COMMD10: variants seen among roughly 807,000 people sequenced by gnomAD.
COMMD10 encodes the protein COMM domain containing 10.
Under a neutral mutation model 28.9 loss-of-function variants are expected in COMMD10, and 33 were observed. The ratio of observed to expected loss-of-function variants is 1.14; its 90% confidence interval spans 0.87 to 1.53. COMMD10 has a LOEUF of 1.53. Among genes scored for constraint, COMMD10 ranks in the 40% most tolerant of loss-of-function variants. COMMD10 has a pLI of 0.00. For missense variants in COMMD10, 310 were observed against 233.4 expected (o/e 1.33, Z -2.14); for synonymous variants, 110 against 81.7 (o/e 1.35, Z -1.87).
chr5:116,129,705 ATTAGT>A (rs548637139), intron 4 of COMMD10, among the ~76,000 whole-genome samples: 2,880 of 37,494 alleles, frequency 0.077, 1,191 homozygotes, highest in East Asian at 0.17. Context: ...TGTAATATAC[ATTAGT>A]GTATATATAT....
chr5:116,219,371 A>G (rs1192504943), intron 5 of COMMD10, among the ~76,000 whole-genome samples: 3 of 151,942 alleles, frequency 2.0e-5, no homozygotes, highest in Admixed American at 6.6e-5. Flanking sequence ...AGAAACTGCT[A>G]CTCTGTGGAC....
intron 5 of COMMD10, among the ~76,000 whole-genome samples, chr5:116,211,407 T>C (rs1466695395): frequency 2.0e-5 from 3 of 152,038 alleles, no homozygotes. Context: ...TGTAAAACAG[T>C]GGTAAGTATT....
chr5:116,289,386 G>C (rs1751304918), intron 5 of COMMD10, among the ~76,000 whole-genome samples: 2 of 151,770 alleles, frequency 1.3e-5, no homozygotes, highest in African/African-American at 4.9e-5. Context: ...TTGCATACTG[G>C]CTTTGTGCAG....
chr5:116,229,229 G>C (rs558407451), intron 5 of COMMD10, among the ~76,000 whole-genome samples: 2 of 152,020 alleles, frequency 1.3e-5, no homozygotes, highest in East Asian at 3.9e-4. Context: ...TTTGTTTTGA[G>C]TCTGGGGCAG....
At chr5:116,123,276 G>C (rs1256585155) in intron 4 of COMMD10, among the ~76,000 whole-genome samples, 1 of 152,146 alleles carries the variant, frequency 6.6e-6, no homozygotes, top group East Asian at 1.9e-4. Flanking sequence ...ATTTTAGCAT[G>C]AAGGGCTGTT....
chr5:116,170,238 A>G (rs1002545480), intron 5 of COMMD10, among the ~76,000 whole-genome samples: 4 of 152,192 alleles, frequency 2.6e-5, no homozygotes, highest in Non-Finnish European at 2.9e-5. Context: ...CCCATTCACA[A>G]TTGCTACAGA....
chr5:116,242,626 C>T (rs1278951502), intron 5 of COMMD10, among the ~76,000 whole-genome samples: 1 of 152,098 alleles, frequency 6.6e-6, no homozygotes, highest in Non-Finnish European at 1.5e-5. Flanking sequence ...GTACTTTTGA[C>T]CCAGTGGGAA....
rs544309192 is a variant in COMMD10 at position 116,105,567 on chromosome 5, G to C, written c.399+12867G>C. On this transcript the variant is annotated intron_variant, in intron 4 of 6. Coordinates refer to ENST00000274458, the MANE Select transcript of COMMD10 (RefSeq NM_016144.4). ...TCTCTTTGTACCTCTGGTAGAATTT[G>C]GCTGTCATTCTGTCTAGTCTGGGAC... Among the ~76,000 whole-genome samples, 8 of 152,284 alleles carry C rather than the reference G, an allele frequency of 5.3e-5. No homozygotes were observed. The East Asian group carries it at 1.5e-3, about 29-fold the overall frequency.
intron 5 of COMMD10, among the ~76,000 whole-genome samples, chr5:116,163,661 T>C (rs544891030): frequency 1.3e-5 from 2 of 152,208 alleles, no homozygotes; most frequent in South Asian, 4.1e-4. Flanking sequence ...ATTTTGTGAA[T>C]AGTTTATAGT....
At chr5:116,181,016 C>A (rs1747937907) in intron 5 of COMMD10, among the ~76,000 whole-genome samples, 1 of 152,070 alleles carries the variant, frequency 6.6e-6, no homozygotes, top group Non-Finnish European at 1.5e-5. Context: ...TGATGACACA[C>A]ACCTGTAGTT....
chr5:116,278,185 G>T (rs1190386332), intron 5 of COMMD10, among the ~76,000 whole-genome samples: 2 of 151,758 alleles, frequency 1.3e-5, no homozygotes, highest in African/African-American at 2.4e-5. Flanking sequence ...ATTACCTATA[G>T]TATTGAGTAC....
In COMMD10 at chr5:116,196,335, AGGACTTGGG is replaced by A. The variant is rs750562398; in HGVS notation, c.510+62159_510+62167del. On this transcript the variant is annotated intron_variant, in intron 5 of 6. Coordinates refer to ENST00000274458, the MANE Select transcript of COMMD10 (RefSeq NM_016144.4). ...CATTAGAATGATACAGTGGACTTCG[AGGACTTGGG>A]GTGAAGAGAGGGAGGGGGTGAGGGA... Among the ~76,000 whole-genome samples the A allele has an allele frequency of 1.0e-3, 158 of 152,218 alleles. 1 individual carries two copies. The highest frequency in any genetic ancestry group is 1.8e-3 in the Non-Finnish European group (121 of 67,974).
At chr5:116,122,010 G>T (rs950090698) in intron 4 of COMMD10, among the ~76,000 whole-genome samples, 1 of 152,062 alleles carries the variant, frequency 6.6e-6, no homozygotes, top group Non-Finnish European at 1.5e-5. Flanking sequence ...GACTATTTTG[G>T]CTTTTGTTGC....
chr5:116,222,258 G>T (rs139732855), intron 5 of COMMD10, among the ~76,000 whole-genome samples: 12 of 152,172 alleles, frequency 7.9e-5, no homozygotes, highest in African/African-American at 2.6e-4. Context: ...AAATAGTAAG[G>T]CAGTCTGTAT....
At chr5:116,138,651 A>G (rs1385344627) in intron 5 of COMMD10, among the ~76,000 whole-genome samples, 1 of 151,688 alleles carries the variant, frequency 6.6e-6, no homozygotes, top group Non-Finnish European at 1.5e-5. Context: ...TAACTGTGGT[A>G]AAATCACCCT....
At chr5:116,149,855 G>C (rs1351768919) in intron 5 of COMMD10, among the ~76,000 whole-genome samples, 1 of 149,758 alleles carries the variant, frequency 6.7e-6, no homozygotes, top group Non-Finnish European at 1.5e-5. Context: ...AAGCTCTTTA[G>C]TTTAATTAGA....
At chr5:116,276,062 GTGCTGT>G (rs1750903470) in intron 5 of COMMD10, among the ~76,000 whole-genome samples, 1 of 151,196 alleles carries the variant, frequency 6.6e-6, no homozygotes, top group Non-Finnish European at 1.5e-5. Context: ...TATTCTTACT[GTGCTGT>G]ACAGCACCAA....
intron 5 of COMMD10, among the ~76,000 whole-genome samples, chr5:116,263,390 ATATT>A (rs1324984419): frequency 6.6e-6 from 1 of 151,758 alleles, no homozygotes; most frequent in Non-Finnish European, 1.5e-5. Context: ...CAAGGAAAAA[ATATT>A]TAACCCCAAA....
At chr5:116,128,240 A>C (rs1263763021) in intron 4 of COMMD10, among the ~76,000 whole-genome samples, 8 of 152,074 alleles carry the variant, frequency 5.3e-5, no homozygotes, top group African/African-American at 1.9e-4. Flanking sequence ...TGAAGTTATA[A>C]TATTTTGAGG....
Sources: allele counts gnomAD v4.1 joint callset (sites outside exome capture counted in the v4.1 genomes callset), GRCh38; gene constraint gnomAD v4.1.1; transcripts MANE v1.5; gene names NCBI Gene and HGNC (gene_info 2026-07-23, HGNC 2026-07-21).